SLC14A2: variants seen among roughly 807,000 people sequenced by gnomAD.
SLC14A2 encodes the protein urea transporter 2.
SLC14A2 carries 91 observed loss-of-function variants against 104.6 expected under a neutral mutation model. That is an observed-to-expected ratio of 0.87 (90% confidence interval 0.73 to 1.04). The LOEUF (loss-of-function observed/expected upper bound fraction) is 1.04. Ranked by LOEUF, SLC14A2 falls within the 50% of genes least tolerant of loss-of-function variation. The pLI is 0.00. For missense variants in SLC14A2, 1,189 were observed against 1,156.0 expected, an observed-to-expected ratio of 1.03 and a Z score of -0.41; for synonymous variants, 476 against 466.4, an observed-to-expected ratio of 1.02 and a Z score of -0.27.
At chr18:45,580,102 A>G (rs1043839151) in intron 2 of SLC14A2, among the ~76,000 whole-genome samples, 1 of 152,200 alleles carries the variant, frequency 6.6e-6, no homozygotes, top group Non-Finnish European at 1.5e-5. Context: ...CCTTACGCAA[A>G]GCCACGAGAT....
intron 1 of SLC14A2, among the ~76,000 whole-genome samples, chr18:45,458,589 C>T (rs1438153242): frequency 6.6e-6 from 1 of 152,142 alleles, no homozygotes; most frequent in African/African-American, 2.4e-5. Flanking sequence ...TTTATAAATG[C>T]CTCTCCTGGC....
intron 1 of SLC14A2, among the ~76,000 whole-genome samples, chr18:45,265,266 A>G (rs967633509): frequency 6.6e-6 from 1 of 152,186 alleles, no homozygotes; most frequent in Non-Finnish European, 1.5e-5. Context: ...ACTTTTTCCT[A>G]ACTAGCTCCA....
chr18:45,354,783 A>C (rs2085535938), intron 1 of SLC14A2, among the ~76,000 whole-genome samples: 1 of 152,212 alleles, frequency 6.6e-6, no homozygotes, highest in African/African-American at 2.4e-5. Context: ...CTCTCCATGT[A>C]GCCTACTGGG....
At chr18:45,429,033 G>T (rs1307540237) in intron 1 of SLC14A2, among the ~76,000 whole-genome samples, 3 of 152,210 alleles carry the variant, frequency 2.0e-5, no homozygotes, top group Non-Finnish European at 4.4e-5. Context: ...CAGGAAGAGA[G>T]TAAAGGGGCC....
At chr18:45,475,456 G>A (rs928477296) in intron 1 of SLC14A2, among the ~76,000 whole-genome samples, 1 of 151,670 alleles carries the variant, frequency 6.6e-6, no homozygotes, top group East Asian at 1.9e-4. Flanking sequence ...AATATTGACA[G>A]TGGGGTGTTA....
intron 2 of SLC14A2, among the ~76,000 whole-genome samples, chr18:45,607,598 A>G (rs2044893156): frequency 6.6e-6 from 1 of 152,228 alleles, no homozygotes; most frequent in South Asian, 2.1e-4. Context: ...TGTATTCATT[A>G]TCTATCAAGG....
intron 1 of SLC14A2, among the ~76,000 whole-genome samples, chr18:45,351,754 G>A (rs975745424): frequency 5.3e-5 from 8 of 152,216 alleles, no homozygotes; most frequent in Non-Finnish European, 1.0e-4. Context: ...GTTTCCCTCT[G>A]AGAGCTTACA....
At chr18:45,592,855 A>T (rs1044730245) in intron 2 of SLC14A2, among the ~76,000 whole-genome samples, 6 of 152,224 alleles carry the variant, frequency 3.9e-5, no homozygotes, top group African/African-American at 1.4e-4. Flanking sequence ...CTTAAGGCAA[A>T]GAGTAGGTGA....
chr18:45,528,884 G>T (rs796156328), intron 2 of SLC14A2: 1 of 152,208 alleles, frequency 6.6e-6, no homozygotes, highest in East Asian at 1.9e-4. Flanking sequence ...AATAAACTAT[G>T]TATGGTAAAC....
At chr18:45,333,283 A>G (rs1204788337) in intron 1 of SLC14A2, among the ~76,000 whole-genome samples, 1 of 152,184 alleles carries the variant, frequency 6.6e-6, no homozygotes, top group East Asian at 1.9e-4. Flanking sequence ...GAGGCAAAAA[A>G]AAATCCTTAT....
At chr18:45,179,488 C>A in the SLC14A2 span, among the ~76,000 whole-genome samples, 1 of 150,686 alleles carries the variant, frequency 6.6e-6, no homozygotes, top group African/African-American at 2.5e-5. Flanking sequence ...AAACAAAACA[C>A]AGGGTTCTTC....
intron 1 of SLC14A2, among the ~76,000 whole-genome samples, chr18:45,346,313 A>G (rs2144295259): frequency 6.6e-6 from 1 of 152,078 alleles, no homozygotes; most frequent in African/African-American, 2.4e-5. Flanking sequence ...GCACCACCAC[A>G]TCTGGCTAAT....
At chr18:45,335,930 A>G (rs572476698) in intron 1 of SLC14A2, among the ~76,000 whole-genome samples, 1 of 152,318 alleles carries the variant, frequency 6.6e-6, no homozygotes, top group Admixed American at 6.5e-5. Context: ...CTTCCTCAGC[A>G]TCTTTGCAAG....
intron 16 of SLC14A2, among the ~76,000 whole-genome samples, chr18:45,671,030 C>A (rs917326682): frequency 6.6e-6 from 1 of 152,126 alleles, no homozygotes; most frequent in Non-Finnish European, 1.5e-5. Context: ...GGACCAGAAA[C>A]AAGAAAAGGT....
At chr18:45,616,520 C>T (rs1016857078) in intron 1 of SLC14A2, among the ~76,000 whole-genome samples, 13 of 152,016 alleles carry the variant, frequency 8.6e-5, no homozygotes, top group African/African-American at 2.7e-4. Flanking sequence ...AGCAGTGGCA[C>T]GACCAAGTCA....
intron 1 of SLC14A2, among the ~76,000 whole-genome samples, chr18:45,213,886 C>T (rs967108088): frequency 1.3e-4 from 20 of 152,280 alleles, no homozygotes; most frequent in South Asian, 2.1e-4. Context: ...GGCCCAGGGA[C>T]GTTTGGACTG....
intron 1 of SLC14A2, among the ~76,000 whole-genome samples, chr18:45,476,752 T>TTTC (rs1307555707): frequency 2.0e-5 from 3 of 152,220 alleles, no homozygotes; most frequent in Non-Finnish European, 1.5e-5. Context: ...TCTGATATCC[T>TTTC]TTCTTCCACT....
Position 45,361,083 on chromosome 18 carries a change from T to A in SLC14A2, c.-124-122150T>A, listed in dbSNP as rs1598720073. On this transcript the variant is annotated intron_variant, in intron 1 of 20. Coordinates refer to the SLC14A2 transcript ENST00000586448. Reference sequence around the variant, plus strand: ...CCCTGAAACTGGGTAGCACATCTTGTCGTTCCTGTCAGACCACCCAGCTAG... The same window carrying A: ...CCCTGAAACTGGGTAGCACATCTTGACGTTCCTGTCAGACCACCCAGCTAG... Among the ~76,000 whole-genome samples, 3 of 152,334 alleles carry A rather than the reference T, an allele frequency of 2.0e-5. No individual in the cohort carries two copies. In the Middle Eastern group the frequency reaches 0.01, roughly 518 times the overall value.
chr18:45,562,800 G>T (rs1052233790), intron 2 of SLC14A2, among the ~76,000 whole-genome samples: 1 of 151,256 alleles, frequency 6.6e-6, no homozygotes, highest in African/African-American at 2.4e-5. Context: ...TCCCTGGGGG[G>T]AAGGGGCTGG....
Sources: allele counts gnomAD v4.1 joint callset (sites outside exome capture counted in the v4.1 genomes callset), GRCh38; gene constraint gnomAD v4.1.1; transcripts MANE v1.5; gene names NCBI Gene and HGNC (gene_info 2026-07-23, HGNC 2026-07-21).